Variants in LIN9 observed in about 807,000 individuals in gnomAD.
The protein encoded by LIN9 is protein lin-9 homolog.
Under a neutral mutation model 78.0 loss-of-function variants are expected in LIN9, and 18 were observed. The ratio of observed to expected loss-of-function variants is 0.23; its 90% CI spans 0.16 to 0.34. The LOEUF (loss-of-function observed/expected upper bound fraction) is 0.34. Ranked by LOEUF, LIN9 falls within the 10% of genes least tolerant of loss-of-function variation. The pLI is 1.00. For synonymous variants in LIN9, 192 were observed against 215.2 expected (o/e 0.89, Z 0.94); for missense variants, 451 against 644.1 (o/e 0.70, Z 3.25).
chr1:226,300,971 T>C (rs1203986823), intron 2 of LIN9, among the ~76,000 whole-genome samples: 4 of 152,248 alleles, frequency 2.6e-5, no homozygotes. Context: ...TCAATAATTT[T>C]AGAAATTTTT....
At chr1:226,254,362 CA>C (rs1167931586) in intron 10 of LIN9, among the ~76,000 whole-genome samples, 3 of 152,110 alleles carry the variant, frequency 2.0e-5, no homozygotes, top group Non-Finnish European at 4.4e-5. Context: ...CACTTAAGAG[CA>C]AAACTGAGAG....
At chr1:226,298,587 G>A (rs1441703931) in intron 2 of LIN9, among the ~76,000 whole-genome samples, 1 of 152,222 alleles carries the variant, frequency 6.6e-6, no homozygotes, top group Non-Finnish European at 1.5e-5. Flanking sequence ...TAGGCCAGGT[G>A]CAATGGCTCA....
At position 226,301,159 on chromosome 1, in the gene LIN9, G is replaced by A; in HGVS notation, c.64+14C>T. Reference sequence around the variant, plus strand: ...TTTTAGCTATGGTATACCTAAAAATGCTATACTTCTTACCTTTTAAACTGA... The same window carrying A: ...TTTTAGCTATGGTATACCTAAAAATACTATACTTCTTACCTTTTAAACTGA... On this transcript the variant is annotated intron_variant, in intron 2 of 14. Transcript: ENST00000681046. 1 of 1,590,748 alleles carries A rather than the reference G, an allele frequency of 6.3e-7. No homozygotes were observed.
intron 1 of LIN9, among the ~76,000 whole-genome samples, chr1:226,305,306 C>T (rs1576367361): frequency 1.0e-4 from 2 of 19,098 alleles, no homozygotes; most frequent in East Asian, 1.6e-3. Context: ...CTCGTCTCTA[C>T]AAAAAAAAGA....
At chr1:226,305,172 A>G (rs1287344721) in intron 1 of LIN9, among the ~76,000 whole-genome samples, 1 of 151,540 alleles carries the variant, frequency 6.6e-6, no homozygotes, top group East Asian at 1.9e-4. Context: ...TCCATCTTTA[A>G]AAAAAAATAA....
At chr1:226,251,048 C>T (rs1222614486) in intron 10 of LIN9, 129 bp from the exon 11 acceptor site, 12 of 516,262 alleles carry the variant, frequency 2.3e-5, no homozygotes, top group Non-Finnish European at 3.4e-6. Context: ...ATATATATAG[C>T]ATAGCATTGT....
chr1:226,236,959 G>C (rs1225762106), intron 12 of LIN9, among the ~76,000 whole-genome samples: 1 of 152,158 alleles, frequency 6.6e-6, no homozygotes, highest in Non-Finnish European at 1.5e-5. Context: ...GAACATTCTA[G>C]TATATGTATT....
At chr1:226,237,489 G>A (rs1390263895) in intron 12 of LIN9, among the ~76,000 whole-genome samples, 2 of 151,768 alleles carry the variant, frequency 1.3e-5, no homozygotes, top group Non-Finnish European at 2.9e-5. Context: ...AAAATTACCT[G>A]GGCGTGGTAA....
chr1:226,251,459 C>A (rs1658831439), intron 10 of LIN9, among the ~76,000 whole-genome samples: 1 of 152,156 alleles, frequency 6.6e-6, no homozygotes, highest in African/African-American at 2.4e-5. Flanking sequence ...AACTCCTGAC[C>A]TCAGATGATC....
Position 226,274,521 on chromosome 1 carries a change from A to T in LIN9, c.682+3254T>A, listed in dbSNP as rs573569133. 1.3e-3 allele frequency among the ~76,000 whole-genome samples: 195 copies of T among 152,218 alleles called. No homozygotes were observed. The Middle Eastern group carries it at 0.02, about 16-fold the overall frequency. On this transcript the variant is annotated intron_variant, in intron 7 of 14. Coordinates refer to ENST00000681046, the MANE Select transcript of LIN9 (RefSeq NM_001366245.2). ...ATCTTAGATCTATATTTTTGGAAAA[A>T]TTTCAGCTTTTGTTTCATCTAATAT...
chr1:226,278,322 A>T (rs1228197537), intron 6 of LIN9, among the ~76,000 whole-genome samples: 1 of 150,048 alleles, frequency 6.7e-6, no homozygotes, highest in Admixed American at 6.7e-5. Flanking sequence ...CCAGCTACTC[A>T]GGGGGCTGAG....
intron 12 of LIN9, among the ~76,000 whole-genome samples, chr1:226,234,299 T>G (rs1402019028): frequency 6.6e-6 from 1 of 152,254 alleles, no homozygotes; most frequent in African/African-American, 2.4e-5. Context: ...CTATGATGGT[T>G]GCAAAATGGT....
At chr1:226,253,643 C>T (rs1226266568) in intron 10 of LIN9, among the ~76,000 whole-genome samples, 2 of 150,786 alleles carry the variant, frequency 1.3e-5, no homozygotes, top group Admixed American at 6.6e-5. Flanking sequence ...GGGCCGGGTA[C>T]GGTGGCTCAC....
chr1:226,298,830 C>T lies in LIN9; in HGVS notation c.65-1017G>A, dbSNP rs146802390. Reference sequence around the variant, plus strand: ...AGCCAGGGTCAAAGCGAGCCAGGGTCGAAGCAAGCCGAGATAGCACCACTG... The same window carrying T: ...AGCCAGGGTCAAAGCGAGCCAGGGTTGAAGCAAGCCGAGATAGCACCACTG... On this transcript the variant is annotated intron_variant, in intron 2 of 14. Coordinates refer to ENST00000681046, the MANE Select transcript of LIN9 (RefSeq NM_001366245.2). Among the ~76,000 whole-genome samples the T allele has an allele frequency of 3.2e-4, 49 of 151,998 alleles. 1 individual carries two copies. The East Asian group carries it at 8.9e-3, about 28-fold the overall frequency.
In LIN9 at chr1:226,265,943, C is replaced by T. The variant is rs1158060088; in HGVS notation, c.936+270G>A. On this transcript the variant is annotated intron_variant, in intron 9 of 14. Transcript: ENST00000681046. This position sits in a 1 kb window ranked among gnomAD's most constrained non-coding sequence, Gnocchi z 4.1. ...CCGCCTGCCTCAGCCTCCCAAAGTG[C>T]TGGGATTACAGGCGTGAGCCACTGC... Among the ~76,000 whole-genome samples the T allele has an allele frequency of 1.3e-5, 2 of 152,096 alleles. No individual in the cohort carries two copies. Among genetic ancestry groups the T allele is most frequent in the Admixed American group, 6.5e-5 (1 of 15,268 alleles).
intron 7 of LIN9, among the ~76,000 whole-genome samples, chr1:226,275,097 C>T (rs938436490): frequency 6.6e-6 from 1 of 152,098 alleles, no homozygotes; most frequent in Non-Finnish European, 1.5e-5. Flanking sequence ...AAAAAAATTA[C>T]TGGCAGATCT....
chr1:226,256,680 T>G (rs1237848390), intron 10 of LIN9, among the ~76,000 whole-genome samples: 3 of 151,652 alleles, frequency 2.0e-5, no homozygotes, highest in Non-Finnish European at 2.9e-5. Context: ...TGCCTCAGCC[T>G]CCCGAGTAGC....
In LIN9 at chr1:226,286,224, G is replaced by A. The variant is rs1031651056; in HGVS notation, c.524+109C>T. 2.4e-5 allele frequency: 28 copies of A among 1,146,406 alleles called. No individual in the cohort carries two copies. The African/African-American group carries it at 3.9e-4, about 16-fold the overall frequency. The allele number at this position is 1,146,406 out of a possible 1,614,324, so 71.0% of individuals were successfully genotyped here. A position where few individuals can be genotyped will look rare whatever the true frequency, so the allele number is the denominator to read the frequency against. On this transcript the variant is annotated intron_variant, in intron 6 of 14. Transcript: ENST00000681046. ...AGCATACTACAGCCCTGAACCCCTG[G>A]CCTTAAGCAAATACCCCATCTTAGC...
intron 1 of LIN9, 184 bp downstream of exon 1, chr1:226,308,925 A>G: frequency 2.3e-6 from 1 of 437,164 alleles, no homozygotes; most frequent in Non-Finnish European, 3.6e-6. Flanking sequence ...AAACCAACAC[A>G]CAGACACCAT....
Sources: gnomAD v4.1 joint callset for allele counts (sites outside exome capture counted in the v4.1 genomes callset) on GRCh38, gnomAD v4.1.1 for gene constraint, Gnocchi (gnomAD v3.1) non-coding constraint, MANE v1.5 for transcripts, NCBI Gene and HGNC (gene_info 2026-07-23, HGNC 2026-07-21) for gene names.